The following POLR1C variants were observed in gnomAD, a reference collection of about 807,000 sequenced individuals.
The protein encoded by POLR1C is DNA-directed RNA polymerases I and III subunit RPAC1.
A neutral mutation model predicts 38.3 loss-of-function variants in POLR1C; 42 were observed. The observed-to-expected ratio is 1.10, with a 90% CI of 0.86 to 1.42. The LOEUF is 1.42. POLR1C is among the 40% of genes most tolerant of loss of function. The pLI, the probability that POLR1C is intolerant of heterozygous loss-of-function variation, is 0.00. For synonymous variants in POLR1C, 163 were observed against 163.9 expected, an observed-to-expected ratio of 0.99 and a Z score of 0.04; for missense variants, 507 against 450.5, an observed-to-expected ratio of 1.13 and a Z score of -1.14.
intron 4 of POLR1C, 98 bp downstream of exon 4, chr6:43,519,936 T>C: frequency 6.5e-7 from 1 of 1,540,362 alleles, no homozygotes; most frequent in Non-Finnish European, 8.8e-7. Flanking sequence ...CATCAGTGTC[T>C]TTCATCTGTG....
intron 9 of POLR1C, chr6:43,549,604 G>A (rs142221367): frequency 1.8e-4 from 291 of 1,607,128 alleles, no homozygotes; most frequent in Non-Finnish European, 2.1e-4. Context: ...CAACAAACTC[G>A]GAGCTGCTTT....
At chr6:43,559,680 G>A (rs1762302661) in intron 10 of POLR1C, among the ~76,000 whole-genome samples, 1 of 152,094 alleles carries the variant, frequency 6.6e-6, no homozygotes, top group South Asian at 2.1e-4. Context: ...CAATACTTAT[G>A]ATATATTAAG....
downstream of POLR1C, chr6:43,526,355 T>C (rs1371030360): frequency 4.1e-5 from 17 of 413,954 alleles, no homozygotes; most frequent in South Asian, 4.3e-4. Flanking sequence ...TGAAGAAGAA[T>C]AAAGCAGAGG....
In POLR1C at chr6:43,520,962, G is replaced by A. The variant is rs191582628; in HGVS notation, c.836G>A (p.Arg279Gln). The change falls in exon 8 of 9, where the codon CGG becomes CAG. Residue 279 changes from arginine to glutamine, a missense_variant. Arg to Gln is a conservative substitution (Grantham distance 43, BLOSUM62 1). Transcript: ENST00000642195. ...GKKVARVANP[R>Q]LDTFSREIFR... ...AAGGTGGCCAGAGTTGCCAACCCCC[G>A]GCTGGATACCTTCAGCAGAGAAATC... The A allele has an allele frequency of 1.8e-4, 291 of 1,614,158 alleles. No individual in the cohort carries two copies. The highest frequency in any genetic ancestry group is 9.3e-4 in the Admixed American group (56 of 60,024).
At chr6:43,520,472 G>A (rs754643784) in intron 6 of POLR1C, 45 bp downstream of exon 6, 1 of 1,611,162 alleles carries the variant, frequency 6.2e-7, no homozygotes, top group East Asian at 2.2e-5. Flanking sequence ...TAGTTCGGTT[G>A]CAGTGGGGCA....
downstream of POLR1C, chr6:43,525,412 A>G (rs1793517655): frequency 5.1e-6 from 3 of 588,696 alleles, no homozygotes; most frequent in African/African-American, 1.9e-5. Flanking sequence ...AGCTGGGACT[A>G]CAGGTGTGTG....
At chr6:43,554,820 G>C (rs1221192638) in intron 10 of POLR1C, 1 of 152,076 alleles carries the variant, frequency 6.6e-6, no homozygotes, top group Non-Finnish European at 1.5e-5. Context: ...AACCTTTCAA[G>C]TTACCAAATA....
At chr6:43,539,633 C>T (rs1317068016) in intron 9 of POLR1C, 5 of 1,336,706 alleles carry the variant, frequency 3.7e-6, no homozygotes, top group Non-Finnish European at 4.2e-6. Context: ...TCTGCGGAAG[C>T]CACCGCGGTT....
intron 10 of POLR1C, among the ~76,000 whole-genome samples, chr6:43,554,421 T>C (rs1179295804): frequency 6.7e-6 from 1 of 148,696 alleles, no homozygotes; most frequent in Non-Finnish European, 1.5e-5. Flanking sequence ...GCTTTTCTTT[T>C]CTTTTTTTTT....
intron 9 of POLR1C, among the ~76,000 whole-genome samples, chr6:43,536,442 C>G (rs1246992676): frequency 1.3e-5 from 2 of 149,862 alleles, no homozygotes; most frequent in Admixed American, 6.7e-5. Context: ...ATTCACTAAC[C>G]TCATGCTGTA....
chr6:43,561,291 A>G (rs1033223530), intron 10 of POLR1C: 14 of 350,008 alleles, frequency 4.0e-5, no homozygotes, highest in Non-Finnish European at 5.8e-5. Context: ...AAATTACAGA[A>G]AGAAAAAAAA....
chr6:43,524,369 AAAT>A, downstream of POLR1C: 2 of 1,427,572 alleles, frequency 1.4e-6, no homozygotes, highest in South Asian at 1.5e-5. Flanking sequence ...AAAAAAAAAA[AAAT>A]CTCACCATAA....
downstream of POLR1C, chr6:43,523,329 C>T: frequency 4.1e-6 from 1 of 243,582 alleles, no homozygotes; most frequent in Non-Finnish European, 8.1e-6. Flanking sequence ...GAGAACTGAC[C>T]AAGTTCTCTT....
intron 8 of POLR1C, chr6:43,526,587 C>G (rs1793607376): frequency 1.5e-6 from 2 of 1,376,070 alleles, no homozygotes; most frequent in Non-Finnish European, 2.0e-6. Context: ...TGTAGGGTGT[C>G]TTCTCCTCAC....
exon 9 of POLR1C, chr6:43,529,383 A>C (rs780402500): frequency 3.4e-5 from 12 of 349,808 alleles, no homozygotes; most frequent in South Asian, 1.1e-4. Context: ...TCTACTAAAA[A>C]AAAAAAAAAA....
At position 43,560,007 on chromosome 6, in the gene POLR1C, C is replaced by T. The variant is rs1274846822; in HGVS notation, c.*49-1393C>T. 2.0e-5 allele frequency among the ~76,000 whole-genome samples: 3 copies of T among 152,234 alleles called. No individual in the cohort carries two copies. The East Asian group carries it at 5.8e-4, about 29-fold the overall frequency. ...AATTTTTTTGTATTTTTAGTAGAGA[C>T]GAGGTTTTGCCATGTCGCACAGGCT... is the stretch of plus-strand genomic sequence containing the variant. On this transcript the variant is annotated intron_variant, in intron 10 of 10. Transcript: ENST00000607635.
At chr6:43,553,319 GA>G in intron 10 of POLR1C, 3 of 1,559,672 alleles carry the variant, frequency 1.9e-6, no homozygotes, top group African/African-American at 1.4e-5. Flanking sequence ...AAAGAGAAAA[GA>G]AAAGAAAAAG....
downstream of POLR1C, among the ~76,000 whole-genome samples, chr6:43,531,821 C>G (rs993526948): frequency 1.3e-5 from 2 of 151,920 alleles, no homozygotes; most frequent in Non-Finnish European, 2.9e-5. Context: ...CCAGATGGAA[C>G]CTGTACCAAA....
At chr6:43,558,375 A>G (rs2127741848) in intron 10 of POLR1C, 3 of 809,840 alleles carry the variant, frequency 3.7e-6, no homozygotes, top group Non-Finnish European at 5.7e-6. Context: ...ACTAGGGCCT[A>G]ATAAGTAGGC....
Sources: gnomAD v4.1 joint callset for allele counts (sites outside exome capture counted in the v4.1 genomes callset) on GRCh38, gnomAD v4.1.1 for gene constraint, MANE v1.5 for transcripts, NCBI Gene and HGNC (gene_info 2026-07-23, HGNC 2026-07-21) for gene names.